Variants in KCNN2 observed in about 807,000 individuals in gnomAD.
KCNN2 encodes potassium calcium-activated channel subfamily N member 2.
A neutral mutation model predicts 55.5 loss-of-function variants in KCNN2; 24 were observed. The ratio of observed to expected loss-of-function variants is 0.43; its 90% CI spans 0.31 to 0.61. The LOEUF (loss-of-function observed/expected upper bound fraction) is 0.61, where lower values mean the gene tolerates loss of function less well. KCNN2 is among the 20% of genes least tolerant of loss of function. KCNN2 has a pLI of 0.08. For synonymous variants in KCNN2, 431 were observed against 336.1 expected, an observed-to-expected ratio of 1.28 and a Z score of -3.09; for missense variants, 754 against 853.6, an observed-to-expected ratio of 0.88 and a Z score of 1.45.
chr5:114,159,720 G>C (rs1442571860), intron 1 of KCNN2, among the ~76,000 whole-genome samples: 1 of 152,058 alleles, frequency 6.6e-6, no homozygotes, highest in Non-Finnish European at 1.5e-5. Context: ...CTTCTTCCTG[G>C]TTTAGTCTTG....
chr5:114,188,742 A>AG (rs1327000760), intron 1 of KCNN2, among the ~76,000 whole-genome samples: 1 of 151,868 alleles, frequency 6.6e-6, no homozygotes, highest in Non-Finnish European at 1.5e-5. Context: ...TTGGGGAAAA[A>AG]ATGTATAGAA....
chr5:114,267,606 C>A (rs1192058801), intron 2 of KCNN2, among the ~76,000 whole-genome samples: 2 of 152,044 alleles, frequency 1.3e-5, no homozygotes. Flanking sequence ...TGGCATTTCC[C>A]TTGGAACAGA....
intron 2 of KCNN2, among the ~76,000 whole-genome samples, chr5:114,390,627 A>G (rs918264349): frequency 1.3e-5 from 2 of 152,150 alleles, no homozygotes; most frequent in Non-Finnish European, 2.9e-5. Context: ...ACTTTTCTGC[A>G]GTTACAGAGC....
chr5:114,428,562 T>G, intron 3 of KCNN2, among the ~76,000 whole-genome samples: 1 of 152,128 alleles, frequency 6.6e-6, no homozygotes, highest in East Asian at 1.9e-4. Context: ...AATAAAATAA[T>G]TTCATTGATA....
intron 2 of KCNN2, among the ~76,000 whole-genome samples, chr5:114,226,210 G>C (rs1036797811): frequency 6.6e-6 from 1 of 152,058 alleles, no homozygotes; most frequent in African/African-American, 2.4e-5. Flanking sequence ...TTAAAATGCA[G>C]AGTACATATA....
chr5:114,311,718 A>G (rs1333814875), intron 2 of KCNN2, among the ~76,000 whole-genome samples: 1 of 152,158 alleles, frequency 6.6e-6, no homozygotes, highest in Non-Finnish European at 1.5e-5. Flanking sequence ...GTTGTAACTA[A>G]TAAGGTCTTT....
At chr5:114,489,085 AC>A (rs1747719238) in intron 6 of KCNN2, 1 of 152,160 alleles carries the variant, frequency 6.6e-6, no homozygotes, top group Admixed American at 6.6e-5. Context: ...TCATATAATA[AC>A]AAATCCAAGA....
At chr5:114,176,606 A>T (rs185072764) in intron 1 of KCNN2, among the ~76,000 whole-genome samples, 1 of 152,208 alleles carries the variant, frequency 6.6e-6, no homozygotes, top group Non-Finnish European at 1.5e-5. Context: ...CATTATTACT[A>T]GAAGCCATTA....
rs138308313 is a variant in KCNN2 at position 114,346,769 on chromosome 5, C to CAAA, written c.-184-14162_-184-14160dup. Among the ~76,000 whole-genome samples, 179 of 136,060 alleles carry CAAA rather than the reference C, an allele frequency of 1.3e-3. 3 individuals carry two copies. The highest frequency in any genetic ancestry group is 7.5e-3 in the East Asian group (35 of 4,678). The allele number at this position is 136,060 out of a possible 152,430, so 89.3% of individuals were successfully genotyped here. A position where few individuals can be genotyped will look rare whatever the true frequency, so the allele number is the denominator to read the frequency against. ...TATGTTGGTTTTTAAATTCATTCTC[C>CAAA]AAAAAAAAAAAAAAAAGAACCAGGC... is the stretch of plus-strand genomic sequence containing the variant. On this transcript the variant is annotated intron_variant, in intron 2 of 10. Coordinates refer to the KCNN2 transcript ENST00000512097.
chr5:114,172,816 A>G (rs1402596830), intron 1 of KCNN2, among the ~76,000 whole-genome samples: 3 of 151,486 alleles, frequency 2.0e-5, no homozygotes, highest in East Asian at 1.9e-4. Flanking sequence ...TGAGTTCTTT[A>G]TATATTCTGG....
Position 114,445,011 on chromosome 5 carries a change from G to T in KCNN2, c.1638-18038G>T, listed in dbSNP as rs183014696. Among the ~76,000 whole-genome samples the T allele has an allele frequency of 6.8e-4, 104 of 152,232 alleles. 1 individual carries two copies. The highest frequency in any genetic ancestry group is 4.8e-3 in the Admixed American group (74 of 15,296). On this transcript the variant is annotated intron_variant, in intron 3 of 7. Transcript: ENST00000673685. ...TTATTTAGAACACAAAGTTTAGATGGGTTCATGATTTGTATATGATGGGAG... is the reference window on the plus strand; with the variant it reads ...TTATTTAGAACACAAAGTTTAGATGTGTTCATGATTTGTATATGATGGGAG...
intron 1 of KCNN2, among the ~76,000 whole-genome samples, chr5:114,129,560 T>C (rs1752008301): frequency 1.3e-5 from 2 of 152,246 alleles, no homozygotes; most frequent in African/African-American, 4.8e-5. Flanking sequence ...GAACCATCCA[T>C]TCCATGTTCC....
chr5:114,176,752 C>A (rs1753138017), intron 1 of KCNN2, among the ~76,000 whole-genome samples: 1 of 151,978 alleles, frequency 6.6e-6, no homozygotes, highest in African/African-American at 2.4e-5. Context: ...TATTCATAAG[C>A]AATTTAATAA....
intron 2 of KCNN2, chr5:114,253,445 G>A (rs1217644022): frequency 2.6e-5 from 4 of 152,168 alleles, no homozygotes; most frequent in Non-Finnish European, 4.4e-5. Context: ...CCAGAAATAA[G>A]TACTAACAAT....
chr5:114,488,750 A>G (rs141026677), intron 6 of KCNN2, among the ~76,000 whole-genome samples: 8 of 152,294 alleles, frequency 5.3e-5, no homozygotes, highest in Non-Finnish European at 1.0e-4. Context: ...TTCCCCTGCT[A>G]AAACCATACT....
At chr5:114,092,533 C>G (rs1403008387) in intron 1 of KCNN2, among the ~76,000 whole-genome samples, 1 of 152,308 alleles carries the variant, frequency 6.6e-6, no homozygotes, top group African/African-American at 2.4e-5. Flanking sequence ...GGCAGTGCCC[C>G]TGTGGGGACT....
At chr5:114,162,324 G>T (rs1279825590) in intron 1 of KCNN2, among the ~76,000 whole-genome samples, 1 of 152,016 alleles carries the variant, frequency 6.6e-6, no homozygotes, top group Non-Finnish European at 1.5e-5. Flanking sequence ...GCGGATATCG[G>T]TGAACCGCAA....
intron 1 of KCNN2, among the ~76,000 whole-genome samples, chr5:114,177,788 T>A (rs1200972323): frequency 6.6e-6 from 1 of 152,120 alleles, no homozygotes; most frequent in Non-Finnish European, 1.5e-5. Flanking sequence ...GTATTCTGTT[T>A]TAAATTTAAT....
chr5:114,185,016 AAT>A (rs1172302586), intron 1 of KCNN2, among the ~76,000 whole-genome samples: 1 of 152,238 alleles, frequency 6.6e-6, no homozygotes, highest in African/African-American at 2.4e-5. Flanking sequence ...TTGGTGTTTA[AAT>A]GAAGTGCTGC....
Sources: gnomAD v4.1 joint callset for allele counts (sites outside exome capture counted in the v4.1 genomes callset) on GRCh38, gnomAD v4.1.1 for gene constraint, MANE v1.5 for transcripts, NCBI Gene and HGNC (gene_info 2026-07-23, HGNC 2026-07-21) for gene names.